Variants in GRM7 observed in about 807,000 individuals in gnomAD.
The protein encoded by GRM7 is glutamate metabotropic receptor 7, also known as metabotropic glutamate receptor 7.
A neutral mutation model predicts 84.5 loss-of-function variants in GRM7; 35 were observed. The observed-to-expected ratio is 0.41, with a 90% CI of 0.32 to 0.55. The LOEUF (loss-of-function observed/expected upper bound fraction) is 0.55, where lower values mean the gene tolerates loss of function less well. Ranked by LOEUF, GRM7 falls within the 20% of genes least tolerant of loss-of-function variation. The pLI is 0.19. For missense variants in GRM7, 1,003 were observed against 1,194.6 expected (o/e 0.84, Z 2.36); for synonymous variants, 487 against 455.1 (o/e 1.07, Z -0.89).
At chr3:7,536,086 AC>A (rs889522226) in intron 7 of GRM7, among the ~76,000 whole-genome samples, 2 of 152,244 alleles carry the variant, frequency 1.3e-5, no homozygotes, top group African/African-American at 4.8e-5. Context: ...AGTCTTTTTA[AC>A]CCACTCCTAG....
At chr3:6,943,400 A>G (rs1697956386) in intron 1 of GRM7, among the ~76,000 whole-genome samples, 1 of 152,026 alleles carries the variant, frequency 6.6e-6, no homozygotes, top group South Asian at 2.1e-4. Flanking sequence ...TATGAATTAA[A>G]GTTGATTATT....
chr3:7,691,898 A>T lies in GRM7; in HGVS notation c.2698+11603A>T, dbSNP rs181249204. On this transcript the variant is annotated intron_variant, in intron 9 of 9. Transcript: ENST00000357716. ...CTGGTCTCGAACTCCTGACCTCATG[A>T]TCCGCCCACCTCAGCCTCCCAAAGT... 2.2e-4 allele frequency among the ~76,000 whole-genome samples: 34 copies of T among 152,200 alleles called. No individual in the cohort carries two copies. In the East Asian group the frequency reaches 6.2e-3, roughly 28 times the overall value.
chr3:7,467,119 G>A lies in GRM7; in HGVS notation c.1515+5397G>A, dbSNP rs549460199. 9.1e-4 allele frequency among the ~76,000 whole-genome samples: 139 copies of A among 152,164 alleles called. 1 individual carries two copies. The highest frequency in any genetic ancestry group is 1.6e-3 in the Non-Finnish European group (112 of 67,996). On this transcript the variant is annotated intron_variant, in intron 7 of 9. Coordinates refer to ENST00000357716, the MANE Select transcript of GRM7 (RefSeq NM_000844.4). ...CTTTCTTGTTTTTTGAGACGGAGTC[G>A]CTCTGTCGCCCGGGCTGGAGTGCAG...
intron 4 of GRM7, among the ~76,000 whole-genome samples, chr3:7,380,580 A>G (rs905325126): frequency 5.9e-5 from 9 of 152,194 alleles, no homozygotes; most frequent in Non-Finnish European, 1.3e-4. Flanking sequence ...TTGGAAATCA[A>G]TGAATTAACT....
chr3:7,706,867 C>T (rs1021149740), intron 9 of GRM7, among the ~76,000 whole-genome samples: 4 of 152,130 alleles, frequency 2.6e-5, no homozygotes, highest in African/African-American at 9.7e-5. Context: ...CCAACCACCA[C>T]CCTAAATCGC....
chr3:6,934,099 T>A (rs1023203094), intron 1 of GRM7, among the ~76,000 whole-genome samples: 3 of 152,184 alleles, frequency 2.0e-5, no homozygotes, highest in Non-Finnish European at 2.9e-5. Context: ...GTATACACCA[T>A]GGTCCATTCA....
intron 4 of GRM7, among the ~76,000 whole-genome samples, chr3:7,320,804 A>G (rs1445831984): frequency 6.6e-6 from 1 of 151,560 alleles, no homozygotes; most frequent in African/African-American, 2.4e-5. Context: ...GCTGTGTAAT[A>G]TTCCATTGTG....
intron 1 of GRM7, among the ~76,000 whole-genome samples, chr3:7,084,070 G>A (rs73115006): frequency 0.042 from 6,389 of 152,182 alleles, 442 homozygotes; most frequent in African/African-American, 0.15. Context: ...GATGGGAACC[G>A]TAGGGGCAGG....
intron 8 of GRM7, among the ~76,000 whole-genome samples, chr3:7,582,737 A>G (rs1695321195): frequency 1.3e-5 from 2 of 152,108 alleles, no homozygotes; most frequent in East Asian, 1.9e-4. Context: ...TGGGGCAACT[A>G]TTGGCAAACT....
intron 7 of GRM7, among the ~76,000 whole-genome samples, chr3:7,510,145 A>T (rs1427704431): frequency 6.6e-6 from 1 of 152,122 alleles, no homozygotes. Context: ...CCTTTCCCCC[A>T]GTAAGTTTCA....
Position 7,516,368 on chromosome 3 carries a change from T to C in GRM7, c.1515+54646T>C, listed in dbSNP as rs184728898. 3.5e-3 allele frequency among the ~76,000 whole-genome samples: 422 copies of C among 120,382 alleles called. 5 individuals are homozygous for C. Among genetic ancestry groups the C allele is most frequent in the African/African-American group, 0.018 (404 of 23,084 alleles). 79.0% of individuals were successfully genotyped at this position (120,382 alleles called of 152,430 possible). On this transcript the variant is annotated intron_variant, in intron 7 of 9. Coordinates refer to ENST00000357716, the MANE Select transcript of GRM7 (RefSeq NM_000844.4). ...GGTGTGCGCCTGTAGTCCCAGCTAC[T>C]TGGGGGGCTGAGGCAGGAGAATGGC...
chr3:7,074,815 G>C (rs1698006727), intron 1 of GRM7, among the ~76,000 whole-genome samples: 1 of 152,182 alleles, frequency 6.6e-6, no homozygotes, highest in African/African-American at 2.4e-5. Flanking sequence ...TATCTACCTA[G>C]TAGGATGGCT....
rs1043986536 is a variant in GRM7 at position 7,516,345 on chromosome 3, T to C, written c.1515+54623T>C. Among the ~76,000 whole-genome samples, 80 of 148,242 alleles carry C rather than the reference T, an allele frequency of 5.4e-4. No individual in the cohort carries two copies. The Middle Eastern group carries it at 0.01, about 19-fold the overall frequency. Reference sequence around the variant, plus strand: ...ACAAAAAATTAGCCAGGCGTGGTGGTGTGCGCCTGTAGTCCCAGCTACTTG... The same window carrying C: ...ACAAAAAATTAGCCAGGCGTGGTGGCGTGCGCCTGTAGTCCCAGCTACTTG... On this transcript the variant is annotated intron_variant, in intron 7 of 9. Transcript: ENST00000357716.
At chr3:7,714,600 C>T (rs1701709342) in intron 9 of GRM7, among the ~76,000 whole-genome samples, 1 of 152,168 alleles carries the variant, frequency 6.6e-6, no homozygotes, top group Non-Finnish European at 1.5e-5. Context: ...TTCCTCTACA[C>T]ATTACAGTTT....
intron 8 of GRM7, among the ~76,000 whole-genome samples, chr3:7,611,174 C>G (rs1696829859): frequency 6.6e-6 from 1 of 152,088 alleles, no homozygotes; most frequent in African/African-American, 2.4e-5. Flanking sequence ...AATGGAGATG[C>G]TAATAGTACT....
intron 2 of GRM7, among the ~76,000 whole-genome samples, chr3:7,266,436 T>C (rs1249922511): frequency 6.6e-6 from 1 of 152,138 alleles, no homozygotes; most frequent in Non-Finnish European, 1.5e-5. Flanking sequence ...TTGCTGGAAA[T>C]TGCTTTTTAC....
chr3:7,394,289 T>TCACACAG (rs1695119692), intron 4 of GRM7, among the ~76,000 whole-genome samples: 1 of 152,244 alleles, frequency 6.6e-6, no homozygotes, highest in Non-Finnish European at 1.5e-5. Context: ...AATGGTAGAT[T>TCACACAG]CACACAGCAT....
intron 1 of GRM7, among the ~76,000 whole-genome samples, chr3:6,969,685 C>T (rs779529344): frequency 6.6e-6 from 1 of 152,222 alleles, no homozygotes; most frequent in South Asian, 2.1e-4. Flanking sequence ...AAATTTCCAT[C>T]ACATGATCTC....
chr3:7,308,185 G>A (rs774173346), intron 4 of GRM7, among the ~76,000 whole-genome samples: 6 of 152,146 alleles, frequency 3.9e-5, no homozygotes, highest in Non-Finnish European at 8.8e-5. Context: ...AGACACTGGG[G>A]AGACCCTTTC....
Sources: gnomAD v4.1 joint callset for allele counts (sites outside exome capture counted in the v4.1 genomes callset) on GRCh38, gnomAD v4.1.1 for gene constraint, MANE v1.5 for transcripts, NCBI Gene and HGNC (gene_info 2026-07-23, HGNC 2026-07-21) for gene names.